RAPGEF2: variants seen among roughly 807,000 people sequenced by gnomAD.
RAPGEF2 encodes the protein Rap guanine nucleotide exchange factor 2.
In RAPGEF2, 54 loss-of-function variants were observed where a neutral mutation model predicts 186.7. That is an observed-to-expected ratio of 0.29 (90% CI 0.23 to 0.36). The LOEUF (loss-of-function observed/expected upper bound fraction) is 0.36. Ranked by LOEUF, RAPGEF2 falls within the 10% of genes least tolerant of loss-of-function variation. RAPGEF2 has a pLI of 1.00. For missense variants in RAPGEF2, 1,532 were observed against 2,045.0 expected, an observed-to-expected ratio of 0.75 and a Z score of 4.84; for synonymous variants, 712 against 705.9, an observed-to-expected ratio of 1.01 and a Z score of -0.14.
At chr4:159,330,267 G>T in intron 12 of RAPGEF2, 67 bp from the exon 13 acceptor site, 2 of 604,954 alleles carry the variant, frequency 3.3e-6, no homozygotes, top group Non-Finnish European at 5.5e-6. Context: ...ATATGTATAT[G>T]TGTGTGTGTG....
intron 5 of RAPGEF2, 138 bp downstream of exon 5, chr4:159,239,022 CACA>C (rs1462849700): frequency 4.3e-6 from 2 of 468,530 alleles, no homozygotes; most frequent in Middle Eastern, 5.9e-4. Context: ...ATATTTATTT[CACA>C]ACTTTTTATT....
chr4:159,182,980 G>T (rs1054758592), intron 1 of RAPGEF2, among the ~76,000 whole-genome samples: 16 of 152,110 alleles, frequency 1.1e-4, no homozygotes, highest in African/African-American at 3.9e-4. Flanking sequence ...ATATTTTTAA[G>T]ATGGCAATAC....
chr4:159,278,751 T>C (rs533526008), intron 7 of RAPGEF2, among the ~76,000 whole-genome samples: 7 of 152,338 alleles, frequency 4.6e-5, no homozygotes, highest in Admixed American at 3.9e-4. Flanking sequence ...GGCTGTGTGG[T>C]CTTTTAACAT....
At chr4:159,136,253 C>T (rs1741710216) in intron 1 of RAPGEF2, among the ~76,000 whole-genome samples, 1 of 152,126 alleles carries the variant, frequency 6.6e-6, no homozygotes, top group South Asian at 2.1e-4. Flanking sequence ...GCACAGTTCT[C>T]CAAATTAATT....
chr4:159,333,765 A>G (rs1317020821), intron 17 of RAPGEF2, among the ~76,000 whole-genome samples: 3 of 152,244 alleles, frequency 2.0e-5, no homozygotes, highest in African/African-American at 7.2e-5. Context: ...ATTTAGTTAT[A>G]TAGTCCCCAA....
chr4:159,198,252 CTTTCTTTCTCTTTCTTTCCTT>C lies in RAPGEF2; in HGVS notation c.197+4997_197+5017del, dbSNP rs1465617544. ...TTTTCTTTTCTTTCTTTCTTCCTTT[CTTTCTTTCTCTTTCTTTCCTT>C]CTTTCTTTCTTTCTTTCTTTCTTTC... On this transcript the variant is annotated intron_variant, in intron 3 of 29. Transcript: ENST00000691494. Among the ~76,000 whole-genome samples, 268 of 106,054 alleles carry C rather than the reference CTTTCTTTCTCTTTCTTTCCTT, an allele frequency of 2.5e-3. 6 individuals carry two copies. The highest frequency in any genetic ancestry group is 0.014 in the Middle Eastern group (3 of 214). The allele number at this position is 106,054 out of a possible 152,430, so 69.6% of individuals were successfully genotyped here.
At chr4:159,107,988 A>C (rs1579201184) in intron 1 of RAPGEF2, among the ~76,000 whole-genome samples, 1 of 152,180 alleles carries the variant, frequency 6.6e-6, no homozygotes, top group African/African-American at 2.4e-5. Flanking sequence ...TTCATAGAAT[A>C]CAACTAAACT....
At chr4:159,159,527 C>T (rs1283631006) in intron 1 of RAPGEF2, among the ~76,000 whole-genome samples, 1 of 146,184 alleles carries the variant, frequency 6.8e-6, no homozygotes, top group African/African-American at 2.5e-5. Context: ...CAAGAAAATT[C>T]TTTTATTTTG....
chr4:159,355,888 A>ACCCCC lies in RAPGEF2; in HGVS notation c.4691_4692insCCCCC (p.Gly1566LeufsTer61). On this transcript the variant is annotated frameshift_variant, in exon 29 of 30. Transcript: ENST00000691494. LOFTEE classifies it high-confidence loss of function. ...GGGCAGGTATCGAGAGCCCCCGCCC[A>ACCCCC]CCCCTCCCGGCTACATTGGAATTCC... 1.4e-6 allele frequency: 1 copy of ACCCCC among 696,478 alleles called. No individual in the cohort carries two copies. The highest frequency in any genetic ancestry group is 2.0e-6 in the Non-Finnish European group (1 of 497,812). 43.1% of individuals were successfully genotyped at this position (696,478 alleles called of 1,614,324 possible).
intron 1 of RAPGEF2, among the ~76,000 whole-genome samples, chr4:159,138,829 A>G (rs921978548): frequency 1.3e-5 from 2 of 152,240 alleles, no homozygotes; most frequent in African/African-American, 4.8e-5. Context: ...CAAAAATTAC[A>G]GAGCAAGGAT....
At chr4:159,189,008 T>C (rs1747838056) in intron 2 of RAPGEF2, among the ~76,000 whole-genome samples, 4 of 140,368 alleles carry the variant, frequency 2.8e-5, no homozygotes, top group African/African-American at 1.2e-4. Flanking sequence ...ATAACAAAAA[T>C]AGAGGTACAG....
chr4:159,254,752 G>T (rs1235699459), intron 7 of RAPGEF2, among the ~76,000 whole-genome samples: 2 of 152,048 alleles, frequency 1.3e-5, no homozygotes, highest in African/African-American at 4.8e-5. Context: ...GGAACTACAG[G>T]CGTGTGCCAC....
At chr4:159,160,786 AT>A (rs1013814137) in intron 1 of RAPGEF2, among the ~76,000 whole-genome samples, 1 of 151,276 alleles carries the variant, frequency 6.6e-6, no homozygotes, top group Middle Eastern at 3.4e-3. Flanking sequence ...CCTGTACATC[AT>A]TTTTTTTTCT....
chr4:159,348,242 A>AGATAGATGGATGGATGGATGGATGGATG (rs544061786), intron 25 of RAPGEF2, among the ~76,000 whole-genome samples: 2 of 144,956 alleles, frequency 1.4e-5, no homozygotes, highest in African/African-American at 5.5e-5. Flanking sequence ...ATAGATAGAT[A>AGATAGATGGATGGATGGATGGATGGATG]GATGGATGGA....
chr4:159,206,976 T>C (rs1393679877), intron 3 of RAPGEF2, among the ~76,000 whole-genome samples: 1 of 152,230 alleles, frequency 6.6e-6, no homozygotes, highest in East Asian at 1.9e-4. Context: ...TAACTTACTT[T>C]TCCAAAATCT....
At chr4:159,222,176 T>G (rs1751609760) in intron 4 of RAPGEF2, among the ~76,000 whole-genome samples, 1 of 152,010 alleles carries the variant, frequency 6.6e-6, no homozygotes, top group Non-Finnish European at 1.5e-5. Context: ...AGCTGTTCTC[T>G]AGAGAGAGAG....
chr4:159,343,553 C>T, intron 22 of RAPGEF2, 149 bp downstream of exon 22: 1 of 1,056,664 alleles, frequency 9.5e-7, no homozygotes, highest in Non-Finnish European at 1.3e-6. Flanking sequence ...CCTGTGAGCT[C>T]TAATTTGGAA....
chr4:159,204,649 A>C (rs1749782206), intron 3 of RAPGEF2, among the ~76,000 whole-genome samples: 1 of 152,214 alleles, frequency 6.6e-6, no homozygotes, highest in South Asian at 2.1e-4. Flanking sequence ...TGAAAAACAG[A>C]AACAGGAGCC....
Position 159,285,592 on chromosome 4 carries a change from C to T in RAPGEF2, c.544-18750C>T, listed in dbSNP as rs185059200. On this transcript the variant is annotated intron_variant, in intron 7 of 29. Transcript: ENST00000691494. ...AGAGATTTATAAGCAAAAGTGTAGA[C>T]GTTTAAGCAAACTTAACTTTAAAAT... 2.8e-4 allele frequency among the ~76,000 whole-genome samples: 42 copies of T among 152,226 alleles called. No homozygotes were observed. The East Asian group carries it at 3.7e-3, about 13-fold the overall frequency.
Sources: allele counts gnomAD v4.1 joint callset (sites outside exome capture counted in the v4.1 genomes callset), GRCh38; gene constraint gnomAD v4.1.1; transcripts MANE v1.5; gene names NCBI Gene and HGNC (gene_info 2026-07-23, HGNC 2026-07-21).